The following ASTN2 variants were observed in gnomAD, a reference collection of about 807,000 sequenced individuals.
ASTN2 encodes the protein astrotactin 2, also known as astrotactin-2.
A neutral mutation model predicts 139.8 loss-of-function variants in ASTN2; 54 were observed. That is an observed-to-expected ratio of 0.39 (90% CI 0.31 to 0.48). The LOEUF (loss-of-function observed/expected upper bound fraction) is 0.48. Among genes scored for constraint, ASTN2 ranks in the 20% least tolerant of loss-of-function variants. ASTN2 has a pLI of 0.95. For missense variants in ASTN2, 1,565 were observed against 1,725.1 expected, an observed-to-expected ratio of 0.91 and a Z score of 1.64; for synonymous variants, 756 against 719.5, an observed-to-expected ratio of 1.05 and a Z score of -0.81.
At chr9:117,229,348 C>T (rs555727180) in intron 2 of ASTN2, among the ~76,000 whole-genome samples, 8 of 152,302 alleles carry the variant, frequency 5.3e-5, no homozygotes, top group African/African-American at 1.9e-4. Context: ...ATCTCCAAGT[C>T]CTGCTCCCCA....
intron 2 of ASTN2, among the ~76,000 whole-genome samples, chr9:117,254,578 G>A (rs1833631886): frequency 6.6e-6 from 1 of 152,174 alleles, no homozygotes; most frequent in South Asian, 2.1e-4. Context: ...CAATAAAACA[G>A]GGGCACAGTT....
chr9:117,329,382 G>T (rs1010712003), intron 1 of ASTN2, among the ~76,000 whole-genome samples: 10 of 151,934 alleles, frequency 6.6e-5, no homozygotes, highest in South Asian at 2.1e-4. Context: ...AAAGCTCATT[G>T]TCCCTCCAGT....
chr9:116,894,396 G>A (rs1396282188), intron 10 of ASTN2, among the ~76,000 whole-genome samples: 1 of 152,178 alleles, frequency 6.6e-6, no homozygotes, highest in East Asian at 1.9e-4. Context: ...CATAAAGATA[G>A]GAGCCAGTAC....
At chr9:117,388,637 G>A (rs913014514) in intron 1 of ASTN2, among the ~76,000 whole-genome samples, 3 of 152,178 alleles carry the variant, frequency 2.0e-5, no homozygotes, top group African/African-American at 7.2e-5. Context: ...TCTATGGATG[G>A]CTTGGTTAGG....
chr9:117,360,954 C>G (rs1254679559), intron 1 of ASTN2, among the ~76,000 whole-genome samples: 1 of 151,952 alleles, frequency 6.6e-6, no homozygotes, highest in Non-Finnish European at 1.5e-5. Context: ...GAATTGGTGA[C>G]ATTATTTATT....
intron 6 of ASTN2, among the ~76,000 whole-genome samples, chr9:117,035,455 G>A (rs887603825): frequency 1.5e-4 from 23 of 152,196 alleles, no homozygotes; most frequent in Middle Eastern, 3.4e-3. Context: ...CACTATTATC[G>A]CTTTCCCTCT....
chr9:117,104,421 T>C (rs781668801), intron 4 of ASTN2, among the ~76,000 whole-genome samples: 1 of 152,224 alleles, frequency 6.6e-6, no homozygotes, highest in Non-Finnish European at 1.5e-5. Context: ...ACTCCACTTG[T>C]GTAAATTTAT....
In ASTN2 at chr9:116,424,969, G is replaced by C. The variant is rs935389107; in HGVS notation, c.*882C>G. The stretch of plus-strand genomic sequence containing the variant: ...GTTTAGGTATCACTTTTTCAAGGAA[G>C]CATTTCAGGAGCCCTCCAGTGTGTC... On this transcript the variant is annotated 3_prime_UTR_variant, in exon 23 of 23. Transcript: ENST00000313400. Among the ~76,000 whole-genome samples the C allele has an allele frequency of 6.6e-6, 1 of 152,104 alleles. No individual in the cohort carries two copies. Among genetic ancestry groups the C allele is most frequent in the Admixed American group, 6.5e-5 (1 of 15,280 alleles).
intron 16 of ASTN2, among the ~76,000 whole-genome samples, chr9:116,702,343 C>T (rs1233797777): frequency 6.6e-6 from 1 of 152,050 alleles, no homozygotes; most frequent in African/African-American, 2.4e-5. Context: ...CCATGCTAAA[C>T]AGTTCCTTTC....
chr9:116,446,191 G>A (rs1847982932), intron 20 of ASTN2, among the ~76,000 whole-genome samples: 1 of 151,330 alleles, frequency 6.6e-6, no homozygotes. Context: ...AATCCATACA[G>A]CAGGAGAGTG....
intron 5 of ASTN2, among the ~76,000 whole-genome samples, chr9:117,080,819 T>G (rs776745698): frequency 1.3e-5 from 2 of 152,110 alleles, no homozygotes; most frequent in Non-Finnish European, 2.9e-5. Context: ...GCTGGAGTCA[T>G]GTCTTGCTAA....
At chr9:116,555,411 C>T (rs1852562176) in intron 19 of ASTN2, among the ~76,000 whole-genome samples, 2 of 152,186 alleles carry the variant, frequency 1.3e-5, no homozygotes, top group Admixed American at 6.5e-5. Flanking sequence ...GCTCTGTCCC[C>T]ACTCTCAGTT....
intron 2 of ASTN2, among the ~76,000 whole-genome samples, chr9:117,260,624 G>A (rs527627169): frequency 6.6e-6 from 1 of 152,308 alleles, no homozygotes; most frequent in South Asian, 2.1e-4. Context: ...GTCTTTGAAT[G>A]TAGTCACCAA....
At chr9:116,604,000 GGACT>G (rs1855053406) in intron 19 of ASTN2, among the ~76,000 whole-genome samples, 2 of 152,092 alleles carry the variant, frequency 1.3e-5, no homozygotes, top group African/African-American at 4.8e-5. Context: ...TATCCCCAAT[GGACT>G]GAATTTCAAA....
intron 1 of ASTN2, among the ~76,000 whole-genome samples, chr9:117,344,378 A>G (rs376430090): frequency 2.3e-4 from 35 of 152,282 alleles, no homozygotes; most frequent in African/African-American, 7.9e-4. Flanking sequence ...CTCAGCCATG[A>G]TAAGTCCAGG....
chr9:116,935,568 C>CA (rs367743367), intron 10 of ASTN2, among the ~76,000 whole-genome samples: 228 of 149,918 alleles, frequency 1.5e-3, no homozygotes, highest in African/African-American at 5.2e-3. Flanking sequence ...AAGCAAAAAG[C>CA]AAAAAAAAGA....
At chr9:116,668,425 C>A (rs971183681) in intron 16 of ASTN2, among the ~76,000 whole-genome samples, 5 of 152,302 alleles carry the variant, frequency 3.3e-5, no homozygotes, top group Non-Finnish European at 5.9e-5. Context: ...CTCCTGACCT[C>A]AGGTGATCCA....
chr9:116,679,001 T>C (rs894635219), intron 16 of ASTN2, among the ~76,000 whole-genome samples: 1 of 152,226 alleles, frequency 6.6e-6, no homozygotes, highest in African/African-American at 2.4e-5. Flanking sequence ...GGTTTCGTTT[T>C]TCCCTCTGGG....
chr9:116,727,887 T>C (rs1365606405), intron 15 of ASTN2, among the ~76,000 whole-genome samples: 1 of 152,212 alleles, frequency 6.6e-6, no homozygotes, highest in Non-Finnish European at 1.5e-5. Context: ...TATAAAATGC[T>C]TAACAGATGT....
Sources: gnomAD v4.1 joint callset for allele counts (sites outside exome capture counted in the v4.1 genomes callset) on GRCh38, gnomAD v4.1.1 for gene constraint, MANE v1.5 for transcripts, NCBI Gene and HGNC (gene_info 2026-07-23, HGNC 2026-07-21) for gene names.